The following AOPEP variants were observed in gnomAD, a reference collection of about 807,000 sequenced individuals.
The protein encoded by AOPEP is aminopeptidase O.
A neutral mutation model predicts 98.1 loss-of-function variants in AOPEP; 77 were observed. The observed-to-expected ratio is 0.78, with a 90% confidence interval of 0.65 to 0.95. The LOEUF (loss-of-function observed/expected upper bound fraction) is 0.95, where lower values mean the gene tolerates loss of function less well. Among genes scored for constraint, AOPEP ranks in the 40% least tolerant of loss-of-function variants. AOPEP has a pLI of 0.00. For synonymous variants in AOPEP, 346 were observed against 365.3 expected, an observed-to-expected ratio of 0.95 and a Z score of 0.60; for missense variants, 1,024 against 1,024.7, an observed-to-expected ratio of 1.00 and a Z score of 0.01.
chr9:94,815,763 C>T (rs1851578888), intron 5 of AOPEP, among the ~76,000 whole-genome samples: 1 of 152,110 alleles, frequency 6.6e-6, no homozygotes, highest in South Asian at 2.1e-4. Flanking sequence ...CTGGATGACC[C>T]TGAGGTTGCA....
intron 4 of AOPEP, among the ~76,000 whole-genome samples, chr9:94,793,210 C>CA (rs1337801768): frequency 2.0e-5 from 3 of 150,530 alleles, no homozygotes; most frequent in African/African-American, 7.3e-5. Context: ...ACTAAAAATA[C>CA]AAAAAAATTA....
chr9:95,083,578 ACAC>A (rs766240188), intron 16 of AOPEP, among the ~76,000 whole-genome samples: 2 of 150,248 alleles, frequency 1.3e-5, no homozygotes, highest in African/African-American at 2.5e-5. Flanking sequence ...CGCATGCACA[ACAC>A]AGAGCACACA....
At chr9:95,116,878 C>T in the AOPEP span, among the ~76,000 whole-genome samples, 3 of 152,192 alleles carry the variant, frequency 2.0e-5, no homozygotes, top group Non-Finnish European at 4.4e-5. Context: ...GGAAACTTCC[C>T]CTGCATTTCC....
chr9:95,030,327 T>G (rs1254128201), intron 13 of AOPEP, among the ~76,000 whole-genome samples: 1 of 152,268 alleles, frequency 6.6e-6, no homozygotes, highest in Non-Finnish European at 1.5e-5. Context: ...TCATGCAGGC[T>G]ACTTTTTAAA....
At chr9:95,060,990 G>C (rs1243348656) in intron 14 of AOPEP, 180 bp downstream of exon 14, 1 of 522,132 alleles carries the variant, frequency 1.9e-6, no homozygotes, top group African/African-American at 1.9e-5. Flanking sequence ...TCTAATCAGA[G>C]TATTTTGAGG....
intron 11 of AOPEP, among the ~76,000 whole-genome samples, chr9:94,985,907 T>C (rs2132243134): frequency 6.6e-6 from 1 of 152,336 alleles, no homozygotes; most frequent in Middle Eastern, 3.4e-3. Flanking sequence ...GCCCCCTCCA[T>C]AGGCTCTTCA....
intron 11 of AOPEP, among the ~76,000 whole-genome samples, chr9:94,997,473 A>G (rs528546390): frequency 2.0e-5 from 3 of 152,292 alleles, no homozygotes; most frequent in African/African-American, 7.2e-5. Context: ...CATTAAAATT[A>G]TCTAAGGCAG....
chr9:95,108,536 C>T, the AOPEP span, among the ~76,000 whole-genome samples: 1 of 152,250 alleles, frequency 6.6e-6, no homozygotes, highest in Non-Finnish European at 1.5e-5. Flanking sequence ...TCTTTCCCTT[C>T]AGAGGCCGTC....
At chr9:94,996,301 A>G (rs1037119583) in intron 11 of AOPEP, among the ~76,000 whole-genome samples, 3 of 151,444 alleles carry the variant, frequency 2.0e-5, no homozygotes, top group African/African-American at 2.4e-5. Flanking sequence ...TCTTATTTAT[A>G]TTTGGAACAG....
At chr9:95,067,390 T>G (rs1304515302) in intron 14 of AOPEP, among the ~76,000 whole-genome samples, 1 of 152,168 alleles carries the variant, frequency 6.6e-6, no homozygotes, top group Non-Finnish European at 1.5e-5. Flanking sequence ...TAAAAATGAT[T>G]TTTAGGCTGT....
intron 5 of AOPEP, among the ~76,000 whole-genome samples, chr9:94,807,859 G>A (rs763485954): frequency 1.8e-4 from 27 of 152,232 alleles, no homozygotes; most frequent in Non-Finnish European, 3.4e-4. Context: ...ACTCTGGAAA[G>A]TCCTCAGGCA....
rs143021109 is a variant in AOPEP at position 94,895,464 on chromosome 9, G to C, written c.1365-28522G>C. On this transcript the variant is annotated intron_variant, in intron 5 of 16. Coordinates refer to ENST00000375315, the MANE Select transcript of AOPEP (RefSeq NM_001193329.3). The stretch of plus-strand genomic sequence containing the variant: ...TTATATTAGTAATGAAACAACAAAA[G>C]AAAATTCTATTTAAAGTTAAGATTA... 1.2e-4 allele frequency among the ~76,000 whole-genome samples: 18 copies of C among 144,034 alleles called. No individual in the cohort carries two copies. The East Asian group carries it at 3.6e-3, about 29-fold the overall frequency. The allele number at this position is 144,034 out of a possible 152,430, so 94.5% of individuals were successfully genotyped here.
At chr9:94,823,283 A>G (rs1320050724) in intron 5 of AOPEP, among the ~76,000 whole-genome samples, 2 of 152,184 alleles carry the variant, frequency 1.3e-5, no homozygotes, top group Admixed American at 1.3e-4. Context: ...GGCGTGAGCC[A>G]CCGTGCCTGG....
the AOPEP span, chr9:95,117,420 T>G: frequency 6.3e-7 from 1 of 1,597,284 alleles, no homozygotes; most frequent in Non-Finnish European, 8.6e-7. Context: ...CCAAAGAGCA[T>G]GAACATTAAG....
chr9:95,043,500 A>G (rs1380175420), intron 13 of AOPEP, among the ~76,000 whole-genome samples: 1 of 152,152 alleles, frequency 6.6e-6, no homozygotes, highest in East Asian at 1.9e-4. Context: ...TTATAGTTTT[A>G]TTGACTTGTG....
intron 13 of AOPEP, among the ~76,000 whole-genome samples, chr9:95,036,313 A>T (rs1297203175): frequency 6.6e-6 from 1 of 152,218 alleles, no homozygotes; most frequent in Non-Finnish European, 1.5e-5. Context: ...TTATTTCTTT[A>T]AGTTATAATT....
chr9:95,117,060 A>G, the AOPEP span, among the ~76,000 whole-genome samples: 1 of 152,210 alleles, frequency 6.6e-6, no homozygotes, highest in African/African-American at 2.4e-5. Flanking sequence ...CTGGAGGCAG[A>G]CTAGCAACAC....
chr9:94,980,769 G>A lies in AOPEP; in HGVS notation c.1977+1342G>A, dbSNP rs1343122972. Reference sequence around the variant, plus strand: ...GGCAGCGCCTTTCACTCACGTGTGTGACAATGAGGGCCCGTGAGCTCTGAG... The same window carrying A: ...GGCAGCGCCTTTCACTCACGTGTGTAACAATGAGGGCCCGTGAGCTCTGAG... On this transcript the variant is annotated intron_variant, in intron 11 of 16. Transcript: ENST00000375315. The surrounding 1 kb of genome is among the most constrained non-coding windows in gnomAD (Gnocchi z 4.3). Among the ~76,000 whole-genome samples, 4 of 152,254 alleles carry A rather than the reference G, an allele frequency of 2.6e-5. No individual in the cohort carries two copies. The highest frequency in any genetic ancestry group is 4.4e-5 in the Non-Finnish European group (3 of 68,038).
chr9:94,798,934 A>G (rs368276024), intron 4 of AOPEP, among the ~76,000 whole-genome samples: 1 of 152,204 alleles, frequency 6.6e-6, no homozygotes, highest in African/African-American at 2.4e-5. Context: ...AAGGTTATCA[A>G]TCCAGGGACT....
Sources: gnomAD v4.1 joint callset for allele counts (sites outside exome capture counted in the v4.1 genomes callset) on GRCh38, gnomAD v4.1.1 for gene constraint, Gnocchi (gnomAD v3.1) non-coding constraint, MANE v1.5 for transcripts, NCBI Gene and HGNC (gene_info 2026-07-23, HGNC 2026-07-21) for gene names.